Variants in THEMIS observed in about 807,000 individuals in gnomAD.
THEMIS encodes the protein protein THEMIS.
In THEMIS, 37 loss-of-function variants were observed where a neutral mutation model predicts 52.6. The ratio of observed to expected loss-of-function variants is 0.70; its 90% CI spans 0.54 to 0.93. The LOEUF (loss-of-function observed/expected upper bound fraction) is 0.93, where lower values mean the gene tolerates loss of function less well. THEMIS is among the 40% of genes least tolerant of loss of function. The pLI is 0.00. For synonymous variants in THEMIS, 292 were observed against 272.7 expected (o/e 1.07, Z -0.70); for missense variants, 808 against 763.1 (o/e 1.06, Z -0.69).
intron 3 of THEMIS, among the ~76,000 whole-genome samples, chr6:127,828,270 TA>T: frequency 6.6e-6 from 1 of 152,082 alleles, no homozygotes; most frequent in Middle Eastern, 3.2e-3. Flanking sequence ...AAATACTATC[TA>T]TTATTTATAA....
chr6:127,891,538 C>CAAAAAAAAAAAAA (rs67886431), intron 1 of THEMIS, among the ~76,000 whole-genome samples: 3 of 96,834 alleles, frequency 3.1e-5, no homozygotes, highest in South Asian at 3.6e-4. Context: ...TCCAGCTCAA[C>CAAAAAAAAAAAAA]AAAAAAAAAA....
intron 4 of THEMIS, among the ~76,000 whole-genome samples, chr6:127,764,872 C>T (rs888260772): frequency 6.6e-6 from 1 of 151,938 alleles, no homozygotes; most frequent in African/African-American, 2.4e-5. Context: ...ATTAGACCCC[C>T]CAATTGCAGT....
At chr6:127,852,788 A>G (rs1779475442) in intron 2 of THEMIS, among the ~76,000 whole-genome samples, 1 of 151,542 alleles carries the variant, frequency 6.6e-6, no homozygotes, top group South Asian at 2.1e-4. Flanking sequence ...CCCTTTCATC[A>G]TTATCTAGGA....
intron 1 of THEMIS, among the ~76,000 whole-genome samples, chr6:127,883,719 C>A (rs1015456078): frequency 6.6e-6 from 1 of 152,028 alleles, no homozygotes; most frequent in Non-Finnish European, 1.5e-5. Flanking sequence ...AGATATTCAA[C>A]ATTTTATTAT....
At position 127,872,981 on chromosome 6, in the gene THEMIS, A is replaced by G. The variant is rs991151379; in HGVS notation, c.92-17793T>C. ...AATACTAGAATAATATTCAAAAATC[A>G]GTTTTATTTCTGAAACTAGCTATGA... is the stretch of plus-strand genomic sequence containing the variant. On this transcript the variant is annotated intron_variant, in intron 1 of 5. Transcript: ENST00000368248. Among the ~76,000 whole-genome samples, 6 of 152,350 alleles carry G rather than the reference A, an allele frequency of 3.9e-5. No homozygotes were observed. The East Asian group carries it at 1.2e-3, about 29-fold the overall frequency.
intron 4 of THEMIS, among the ~76,000 whole-genome samples, chr6:127,753,027 T>C (rs1775700557): frequency 6.6e-6 from 1 of 151,888 alleles, no homozygotes; most frequent in African/African-American, 2.4e-5. Flanking sequence ...AATCAATAAA[T>C]ATGATACACC....
At chr6:127,793,117 G>T (rs1777213210) in intron 4 of THEMIS, among the ~76,000 whole-genome samples, 1 of 152,160 alleles carries the variant, frequency 6.6e-6, no homozygotes, top group Non-Finnish European at 1.5e-5. Flanking sequence ...AATTGAGTTA[G>T]TTTCAGGAAG....
intron 1 of THEMIS, among the ~76,000 whole-genome samples, chr6:127,894,475 G>T (rs1780903752): frequency 6.6e-6 from 1 of 151,854 alleles, no homozygotes; most frequent in Non-Finnish European, 1.5e-5. Flanking sequence ...TAATGAAAAT[G>T]CTACATGGCA....
intron 1 of THEMIS, among the ~76,000 whole-genome samples, chr6:127,914,911 G>A (rs761043202): frequency 6.6e-6 from 1 of 152,084 alleles, no homozygotes; most frequent in Non-Finnish European, 1.5e-5. Flanking sequence ...GCCTGCTATG[G>A]TTATCACAAC....
chr6:127,877,379 C>T (rs1450988393), intron 1 of THEMIS, among the ~76,000 whole-genome samples: 1 of 152,176 alleles, frequency 6.6e-6, no homozygotes. Context: ...AGAAGCCTAG[C>T]CTTTAGCCTA....
At chr6:127,783,472 A>C (rs763197314) in intron 4 of THEMIS, among the ~76,000 whole-genome samples, 4 of 152,178 alleles carry the variant, frequency 2.6e-5, no homozygotes, top group Non-Finnish European at 4.4e-5. Flanking sequence ...ATGGGAGAAA[A>C]TTGTTGCAAT....
At chr6:127,907,505 T>C (rs1348459878) in intron 1 of THEMIS, among the ~76,000 whole-genome samples, 2 of 151,852 alleles carry the variant, frequency 1.3e-5, no homozygotes, top group African/African-American at 4.8e-5. Context: ...TAAACTGTGA[T>C]TGATCAAACT....
intron 4 of THEMIS, among the ~76,000 whole-genome samples, chr6:127,763,902 A>T (rs1290935240): frequency 6.6e-6 from 1 of 151,914 alleles, no homozygotes; most frequent in Non-Finnish European, 1.5e-5. Context: ...TTACTAGGAA[A>T]ATTTTAATTA....
At chr6:127,825,066 G>A (rs545126659) in intron 3 of THEMIS, among the ~76,000 whole-genome samples, 2 of 151,920 alleles carry the variant, frequency 1.3e-5, no homozygotes, top group Non-Finnish European at 2.9e-5. Context: ...ATATGATAAC[G>A]AAAATTAAAA....
At chr6:127,820,548 AG>A (rs1778303556) in intron 3 of THEMIS, among the ~76,000 whole-genome samples, 1 of 152,132 alleles carries the variant, frequency 6.6e-6, no homozygotes, top group Admixed American at 6.5e-5. Flanking sequence ...TAACTACTTC[AG>A]GAGGAAATCC....
At chr6:127,896,000 C>G (rs771314103) in intron 1 of THEMIS, among the ~76,000 whole-genome samples, 6 of 151,236 alleles carry the variant, frequency 4.0e-5, no homozygotes, top group Non-Finnish European at 8.9e-5. Context: ...TGAAATATGA[C>G]CCCATTGGTT....
intron 4 of THEMIS, among the ~76,000 whole-genome samples, chr6:127,810,576 G>A (rs1055824543): frequency 6.6e-6 from 1 of 152,180 alleles, no homozygotes; most frequent in African/African-American, 2.4e-5. Context: ...CTCAGAACCA[G>A]AGATGGAGCC....
chr6:127,902,456 C>T (rs146000536), upstream of THEMIS, among the ~76,000 whole-genome samples: 134 of 151,814 alleles, frequency 8.8e-4, no homozygotes, highest in Non-Finnish European at 1.7e-3. Flanking sequence ...CCTTAGGCTG[C>T]AGAGAGCATA....
chr6:127,707,837 A>G (rs1008474625), downstream of THEMIS, among the ~76,000 whole-genome samples: 3 of 152,160 alleles, frequency 2.0e-5, no homozygotes, highest in Non-Finnish European at 4.4e-5. Flanking sequence ...GAGTTGAGCT[A>G]GCCCATCTCA....
Sources: gnomAD v4.1 joint callset for allele counts (sites outside exome capture counted in the v4.1 genomes callset) on GRCh38, gnomAD v4.1.1 for gene constraint, MANE v1.5 for transcripts, NCBI Gene and HGNC (gene_info 2026-07-23, HGNC 2026-07-21) for gene names.